CLDN10: variants seen among roughly 807,000 people sequenced by gnomAD.
CLDN10 encodes claudin 10, also known as claudin-10.
Under a neutral mutation model 22.9 loss-of-function variants are expected in CLDN10, and 15 were observed. The ratio of observed to expected loss-of-function variants is 0.65; its 90% CI spans 0.44 to 1.01. The LOEUF (loss-of-function observed/expected upper bound fraction) is 1.01. Ranked by LOEUF, CLDN10 falls within the 50% of genes least tolerant of loss-of-function variation. CLDN10 has a pLI of 0.00. For synonymous variants in CLDN10, 114 were observed against 111.4 expected, an observed-to-expected ratio of 1.02 and a Z score of -0.15; for missense variants, 247 against 287.8, an observed-to-expected ratio of 0.86 and a Z score of 1.03.
At chr13:95,570,858 G>GTGTGTATATATATATATATATA (rs60359070) in intron 3 of CLDN10, among the ~76,000 whole-genome samples, 16 of 119,688 alleles carry the variant, frequency 1.3e-4, no homozygotes, top group Admixed American at 2.5e-4. Flanking sequence ...ATATACGTGT[G>GTGTGTATATATATATATATATA]TATATATATA....
chr13:95,573,459 A>G (rs186788359), intron 3 of CLDN10, among the ~76,000 whole-genome samples: 1 of 152,362 alleles, frequency 6.6e-6, no homozygotes, highest in East Asian at 1.9e-4. Context: ...CCAGGAGGAT[A>G]TTGTTCACAA....
chr13:95,548,992 C>T (rs557266104), upstream of CLDN10, among the ~76,000 whole-genome samples: 5 of 152,106 alleles, frequency 3.3e-5, 1 homozygote, highest in South Asian at 1.0e-3. Flanking sequence ...TTGAACAACC[C>T]CAGGGTGGGG....
At chr13:95,538,551 C>G (rs1199530407) in intron 1 of CLDN10, among the ~76,000 whole-genome samples, 1 of 152,198 alleles carries the variant, frequency 6.6e-6, no homozygotes, top group Non-Finnish European at 1.5e-5. Flanking sequence ...GTGGCCAAAC[C>G]TGCCTTCATC....
chr13:95,433,886 C>T (rs369938854), exon 1 of CLDN10: 2 of 1,614,184 alleles, frequency 1.2e-6, no homozygotes, highest in Non-Finnish European at 1.7e-6. Flanking sequence ...GGGTTTGGAG[C>T]TCTCGTTGCT....
chr13:95,433,872 C>T (rs751698463), exon 1 of CLDN10: 7 of 1,614,010 alleles, frequency 4.3e-6, no homozygotes, highest in Middle Eastern at 1.6e-4. Flanking sequence ...TGTCTGGTGT[C>T]GGAGGGTTTG....
chr13:95,469,177 T>C lies in CLDN10; in HGVS notation c.214+35130T>C, dbSNP rs1594539898. On this transcript the variant is annotated intron_variant, in intron 1 of 4. Coordinates refer to the CLDN10 transcript ENST00000376873. ...ACCCCACTAGGATTATGTGGTCTCATGACTGTAGTTTAAAAATAGAATCAT... is the reference window on the plus strand; with the variant it reads ...ACCCCACTAGGATTATGTGGTCTCACGACTGTAGTTTAAAAATAGAATCAT... Among the ~76,000 whole-genome samples, 3 of 151,702 alleles carry C rather than the reference T, an allele frequency of 2.0e-5. No homozygotes were observed. The South Asian group carries it at 6.2e-4, about 32-fold the overall frequency.
intron 1 of CLDN10, among the ~76,000 whole-genome samples, chr13:95,532,054 G>T (rs948394885): frequency 2.6e-5 from 4 of 151,978 alleles, no homozygotes; most frequent in African/African-American, 7.3e-5. Context: ...AAAAGCAAAG[G>T]GTTTAAAATG....
At chr13:95,534,109 T>G (rs2043375171) in intron 1 of CLDN10, among the ~76,000 whole-genome samples, 1 of 152,336 alleles carries the variant, frequency 6.6e-6, no homozygotes, top group Middle Eastern at 3.4e-3. Flanking sequence ...GGGTAATGTG[T>G]GTCTCCCCTA....
chr13:95,577,324 C>T lies in CLDN10; in HGVS notation c.558C>T (p.Asn186=). ...TATTTTGCTTTTCAATATCTGACAA[C>T]AACAAAACACCCAGGTATGAAAAAG... ...GVIFCFSISD[N]NKTPRYTYNG... is the part of the protein sequence containing the mutation. The change falls in exon 4 of 5, where the codon AAC becomes AAT. Residue 186 remains asparagine, a synonymous_variant. Transcript: ENST00000299339. The T allele has an allele frequency of 6.2e-7, 1 of 1,609,060 alleles. No homozygotes were observed. The highest frequency in any genetic ancestry group is 8.5e-7 in the Non-Finnish European group (1 of 1,175,706).
intron 1 of CLDN10, among the ~76,000 whole-genome samples, chr13:95,499,281 T>A (rs1445334724): frequency 1.3e-5 from 2 of 152,112 alleles, no homozygotes; most frequent in East Asian, 3.9e-4. Context: ...GTGGCTTACA[T>A]CTGTAATCCC....
intron 1 of CLDN10, among the ~76,000 whole-genome samples, chr13:95,491,154 T>C (rs1323074023): frequency 6.6e-6 from 1 of 152,214 alleles, no homozygotes; most frequent in African/African-American, 2.4e-5. Flanking sequence ...TCCTTATGTG[T>C]TAGGTGAGTC....
intron 1 of CLDN10, among the ~76,000 whole-genome samples, chr13:95,437,766 G>T (rs1185568077): frequency 6.6e-6 from 1 of 152,174 alleles, no homozygotes; most frequent in Non-Finnish European, 1.5e-5. Flanking sequence ...CAACCCAAAG[G>T]GAGGTCAGTG....
At chr13:95,525,010 C>A (rs532049085) in intron 1 of CLDN10, among the ~76,000 whole-genome samples, 8 of 152,092 alleles carry the variant, frequency 5.3e-5, no homozygotes, top group African/African-American at 1.7e-4. Context: ...CAGGCATGTG[C>A]CACAACGCCC....
At chr13:95,464,704 G>T (rs1367788031) in intron 1 of CLDN10, among the ~76,000 whole-genome samples, 1 of 151,822 alleles carries the variant, frequency 6.6e-6, no homozygotes, top group East Asian at 1.9e-4. Flanking sequence ...ACGCCATGCT[G>T]CAGTGCTGCA....
At chr13:95,492,027 G>T (rs2042876883) in intron 1 of CLDN10, among the ~76,000 whole-genome samples, 1 of 152,178 alleles carries the variant, frequency 6.6e-6, no homozygotes, top group Admixed American at 6.5e-5. Flanking sequence ...CCGTCTGTGG[G>T]TCTCTCAGCC....
At chr13:95,479,662 C>G (rs1442753232) in intron 1 of CLDN10, 2 of 152,122 alleles carry the variant, frequency 1.3e-5, no homozygotes, top group Admixed American at 1.3e-4. Flanking sequence ...AAAATAAGCA[C>G]ATATTTTAAA....
chr13:95,559,770 G>A (rs775116459), intron 1 of CLDN10, among the ~76,000 whole-genome samples: 1 of 152,118 alleles, frequency 6.6e-6, no homozygotes, highest in Admixed American at 6.5e-5. Flanking sequence ...TTTCACTGTG[G>A]AATTTCACTA....
intron 1 of CLDN10, among the ~76,000 whole-genome samples, chr13:95,490,935 G>A (rs2042866363): frequency 1.3e-5 from 2 of 152,118 alleles, no homozygotes; most frequent in Non-Finnish European, 1.5e-5. Context: ...AAATTTTGGA[G>A]CTCCAGTGTT....
intron 1 of CLDN10, among the ~76,000 whole-genome samples, chr13:95,524,546 C>T (rs1269467522): frequency 2.0e-5 from 3 of 152,278 alleles, no homozygotes; most frequent in African/African-American, 7.2e-5. Context: ...TGTTGTTTAT[C>T]CATTCTTCAG....
Sources: gnomAD v4.1 joint callset for allele counts (sites outside exome capture counted in the v4.1 genomes callset) on GRCh38, gnomAD v4.1.1 for gene constraint, MANE v1.5 for transcripts, NCBI Gene and HGNC (gene_info 2026-07-23, HGNC 2026-07-21) for gene names.